The following HUNK variants were observed in gnomAD, a reference collection of about 807,000 sequenced individuals.
The protein encoded by HUNK is hormonally up-regulated neu tumor-associated kinase.
In HUNK, 21 loss-of-function variants were observed where a neutral mutation model predicts 61.0. That is an observed-to-expected ratio of 0.34 (90% CI 0.24 to 0.50). HUNK has a LOEUF of 0.50. Ranked by LOEUF, HUNK falls within the 20% of genes least tolerant of loss-of-function variation. The pLI, the probability that HUNK is intolerant of heterozygous loss-of-function variation, is 0.98. For missense variants in HUNK, 772 were observed against 945.7 expected, an observed-to-expected ratio of 0.82 and a Z score of 2.41; for synonymous variants, 371 against 386.1, an observed-to-expected ratio of 0.96 and a Z score of 0.46.
intron 1 of HUNK, among the ~76,000 whole-genome samples, chr21:31,875,344 T>A (rs968713737): frequency 5.3e-5 from 8 of 152,126 alleles, no homozygotes; most frequent in African/African-American, 1.7e-4. Context: ...TCCGTCACCC[T>A]TGTCATTTTC....
Position 31,965,192 on chromosome 21 carries a change from C to T in HUNK, c.875-3058C>T, listed in dbSNP as rs138003240. 4.6e-5 allele frequency among the ~76,000 whole-genome samples: 7 copies of T among 152,144 alleles called. 1 individual carries two copies. In the South Asian group the frequency reaches 6.2e-4, roughly 14 times the overall value. ...GGCCATCATCCTTAGCAAACTAACA[C>T]GGGAACAGAAAACCAAATACCGCAT... On this transcript the variant is annotated intron_variant, in intron 5 of 10. Transcript: ENST00000270112.
chr21:31,984,524 T>C lies in HUNK; in HGVS notation c.1257+915T>C, dbSNP rs2053119975. On this transcript the variant is annotated intron_variant, in intron 8 of 10. Coordinates refer to ENST00000270112, the MANE Select transcript of HUNK (RefSeq NM_014586.2). ...GCAGGCTTTCCTGGCCAGCTGTCCC[T>C]GGTGACCTGATGTAACCTGGGACGT... 2.0e-5 allele frequency among the ~76,000 whole-genome samples: 3 copies of C among 152,242 alleles called. 1 individual carries two copies. The South Asian group carries it at 6.2e-4, about 32-fold the overall frequency.
intron 1 of HUNK, among the ~76,000 whole-genome samples, chr21:31,909,778 T>G (rs1273088630): frequency 6.6e-6 from 1 of 152,226 alleles, no homozygotes; most frequent in East Asian, 1.9e-4. Context: ...CTGCTTTCTG[T>G]TAAATAAGTA....
At chr21:31,936,465 C>T (rs1224642641) in intron 2 of HUNK, among the ~76,000 whole-genome samples, 4 of 152,308 alleles carry the variant, frequency 2.6e-5, no homozygotes, top group East Asian at 1.9e-4. Flanking sequence ...AAGTAGCTCA[C>T]CCTCCCATTA....
chr21:31,989,229 T>A (rs2053154754), intron 8 of HUNK, among the ~76,000 whole-genome samples: 1 of 152,164 alleles, frequency 6.6e-6, no homozygotes, highest in Non-Finnish European at 1.5e-5. Flanking sequence ...CCAAATAAGG[T>A]GAAATTCTGA....
At chr21:31,883,454 A>T (rs1200423900) in intron 1 of HUNK, among the ~76,000 whole-genome samples, 1 of 151,794 alleles carries the variant, frequency 6.6e-6, no homozygotes, top group Non-Finnish European at 1.5e-5. Context: ...CCATTCGCCA[A>T]TTTTCTTTTG....
intron 2 of HUNK, among the ~76,000 whole-genome samples, chr21:31,937,296 T>C (rs1182726220): frequency 6.6e-6 from 1 of 152,216 alleles, no homozygotes; most frequent in South Asian, 2.1e-4. Context: ...GGCTCACTGA[T>C]GACTTTGGGT....
chr21:31,879,700 C>T (rs2052291990), intron 1 of HUNK, among the ~76,000 whole-genome samples: 1 of 152,164 alleles, frequency 6.6e-6, no homozygotes, highest in Non-Finnish European at 1.5e-5. Flanking sequence ...AATCATCTGT[C>T]CCAGGGTTTA....
rs1568947449 is a variant in HUNK, at chr21:32,002,442, G to A, written c.*3258G>A. 6.6e-6 allele frequency: 1 copy of A among 152,184 alleles called. No individual in the cohort carries two copies. Among genetic ancestry groups the A allele is most frequent in the East Asian group, 1.9e-4 (1 of 5,194 alleles). 9.4% of individuals were successfully genotyped at this position (152,184 alleles called of 1,614,324 possible). On this transcript the variant is annotated 3_prime_UTR_variant, in exon 11 of 11. Coordinates refer to ENST00000270112, the MANE Select transcript of HUNK (RefSeq NM_014586.2). ...ACTGGAAACAAGCGGGAATTGCATT[G>A]GGGGGCATTTTCTGGGCCAGTTTCC...
chr21:31,973,221 T>G (rs138622693), intron 6 of HUNK, among the ~76,000 whole-genome samples: 1,556 of 152,282 alleles, frequency 0.01, 30 homozygotes, highest in African/African-American at 0.034. Flanking sequence ...CGTGCAGGTT[T>G]GTTACATATA....
At chr21:31,986,954 C>G (rs117693753) in intron 8 of HUNK, among the ~76,000 whole-genome samples, 45 of 152,160 alleles carry the variant, frequency 3.0e-4, no homozygotes, top group Non-Finnish European at 5.9e-4. Flanking sequence ...TAACATCTCT[C>G]CCTCTGGGCT....
intron 1 of HUNK, among the ~76,000 whole-genome samples, chr21:31,886,424 A>AC (rs2052346603): frequency 8.0e-5 from 2 of 25,092 alleles, no homozygotes. Context: ...AGACTGTCTC[A>AC]AAAAAAAAAA....
intron 2 of HUNK, among the ~76,000 whole-genome samples, chr21:31,932,969 G>C (rs544169900): frequency 2.0e-5 from 3 of 148,430 alleles, no homozygotes; most frequent in Middle Eastern, 3.5e-3. Flanking sequence ...CTGGAGTGCA[G>C]TGGTGCAATC....
intron 7 of HUNK, among the ~76,000 whole-genome samples, chr21:31,982,797 T>C (rs551723210): frequency 3.6e-4 from 54 of 152,046 alleles, no homozygotes; most frequent in African/African-American, 1.3e-3. Context: ...CTGTTTTTTG[T>C]TTATTTTTAT....
intron 1 of HUNK, among the ~76,000 whole-genome samples, chr21:31,896,584 A>C (rs1450451472): frequency 2.0e-5 from 3 of 152,174 alleles, no homozygotes; most frequent in Non-Finnish European, 4.4e-5. Context: ...ACAAACAAAC[A>C]AACAAAAACA....
chr21:31,902,297 G>A (rs764217083), intron 1 of HUNK, among the ~76,000 whole-genome samples: 1 of 152,182 alleles, frequency 6.6e-6, no homozygotes, highest in African/African-American at 2.4e-5. Flanking sequence ...GATCACCTGA[G>A]GTTGGGAGTT....
chr21:31,901,949 G>A (rs150798402), intron 1 of HUNK, among the ~76,000 whole-genome samples: 155 of 152,226 alleles, frequency 1.0e-3, no homozygotes, highest in Admixed American at 2.4e-3. Flanking sequence ...TTAGCTGTCG[G>A]TTGAGAGTCA....
intron 1 of HUNK, among the ~76,000 whole-genome samples, chr21:31,882,229 C>T (rs187186342): frequency 5.7e-4 from 87 of 152,272 alleles, no homozygotes; most frequent in African/African-American, 1.9e-3. Context: ...CTTACGGTGG[C>T]CACTGTGCCC....
chr21:31,879,205 T>C (rs1237543896), intron 1 of HUNK, among the ~76,000 whole-genome samples: 1 of 152,204 alleles, frequency 6.6e-6, no homozygotes, highest in Non-Finnish European at 1.5e-5. Flanking sequence ...AAATCCTGTA[T>C]TTTTGAAGTG....
Sources: allele counts gnomAD v4.1 joint callset (sites outside exome capture counted in the v4.1 genomes callset), GRCh38; gene constraint gnomAD v4.1.1; transcripts MANE v1.5; gene names NCBI Gene and HGNC (gene_info 2026-07-23, HGNC 2026-07-21).